APOOL: variants seen among roughly 807,000 people sequenced by gnomAD.
APOOL encodes the protein MICOS complex subunit MIC27.
In APOOL, 12 loss-of-function variants were observed where a neutral mutation model predicts 23.1. That is an observed-to-expected ratio of 0.52 (90% CI 0.33 to 0.84). APOOL has a LOEUF of 0.84. Among genes scored for constraint, APOOL ranks in the 40% least tolerant of loss-of-function variants. APOOL has a pLI of 0.02. For missense variants in APOOL, 212 were observed against 199.6 expected, an observed-to-expected ratio of 1.06 and a Z score of -0.37; for synonymous variants, 77 against 69.9, an observed-to-expected ratio of 1.10 and a Z score of -0.51.
chrX:85,023,939 A>T (rs1160125006), intron 1 of APOOL, among the ~76,000 whole-genome samples: 1 of 112,047 alleles, frequency 8.9e-6, no homozygotes, highest in Non-Finnish European at 1.9e-5. Context: ...AGCACCCTTC[A>T]TCCCACCCCA....
chrX:85,009,271 A>G (rs1921194346), intron 1 of APOOL, among the ~76,000 whole-genome samples: 1 of 111,798 alleles, frequency 8.9e-6, no homozygotes, highest in Admixed American at 9.5e-5. Flanking sequence ...TGCTTTGACT[A>G]GAACTTCCAG....
chrX:85,077,076 C>CATAT (rs72425038), intron 8 of APOOL, among the ~76,000 whole-genome samples: 9 of 86,942 alleles, frequency 1.0e-4, no homozygotes, highest in African/African-American at 3.2e-4. Context: ...TATATATATA[C>CATAT]ATATATATAT....
chrX:85,045,269 A>G (rs1482219085), intron 1 of APOOL, among the ~76,000 whole-genome samples: 1 of 111,618 alleles, frequency 9.0e-6, no homozygotes, highest in Non-Finnish European at 1.9e-5. Context: ...AAAAAAATTT[A>G]TCTTCTTAGT....
intron 8 of APOOL, among the ~76,000 whole-genome samples, chrX:85,083,422 T>A (rs187524592): frequency 9.0e-6 from 1 of 111,506 alleles, no homozygotes; most frequent in African/African-American, 3.3e-5. Flanking sequence ...TAAAAAATTC[T>A]AGTGGATATT....
chrX:85,068,493 C>G (rs1923550309), intron 6 of APOOL, among the ~76,000 whole-genome samples: 1 of 105,698 alleles, frequency 9.5e-6, no homozygotes, highest in African/African-American at 3.5e-5. Context: ...GTAGCCTCTG[C>G]CTCCTGGGTT....
chrX:85,070,292 A>G (rs1923619351), intron 6 of APOOL, among the ~76,000 whole-genome samples: 1 of 111,830 alleles, frequency 8.9e-6, no homozygotes, highest in South Asian at 3.7e-4. Flanking sequence ...AAAAAGTTTA[A>G]GAAATGATAA....
chrX:85,030,822 G>T (rs761542952), intron 1 of APOOL, among the ~76,000 whole-genome samples: 1 of 111,431 alleles, frequency 9.0e-6, no homozygotes, highest in East Asian at 2.8e-4. Flanking sequence ...TACTGTTTGG[G>T]TTATGGGTGC....
chrX:85,042,715 A>G (rs940234909), intron 1 of APOOL, among the ~76,000 whole-genome samples: 1 of 111,894 alleles, frequency 8.9e-6, no homozygotes, highest in Non-Finnish European at 1.9e-5. Context: ...ATTCCAAAAC[A>G]CATTCAAAAG....
At chrX:85,050,203 A>G (rs1409533788) in intron 2 of APOOL, among the ~76,000 whole-genome samples, 1 of 111,581 alleles carries the variant, frequency 9.0e-6, no homozygotes, top group African/African-American at 3.3e-5. Flanking sequence ...TTTCTGACTT[A>G]CTACTGGAAA....
chrX:85,014,802 A>G lies in APOOL; in HGVS notation c.15+10875A>G, dbSNP rs139603839. ...AACCCGATGACTGTGTGTCTCGGTG[A>G]TGATCTTTTTTGTGATGAATTTCCC... On this transcript the variant is annotated intron_variant, in intron 1 of 8. Coordinates refer to ENST00000373173, the MANE Select transcript of APOOL (RefSeq NM_198450.6). 6.1e-3 allele frequency among the ~76,000 whole-genome samples: 661 copies of G among 107,949 alleles called. 7 individuals carry two copies. The highest frequency in any genetic ancestry group is 0.022 in the African/African-American group (639 of 29,642). 93.7% of individuals were successfully genotyped at this position (107,949 alleles called of 115,157 possible). A position where few individuals can be genotyped will look rare whatever the true frequency, so the allele number is the denominator to read the frequency against.
chrX:85,009,984 T>A (rs1228336606), intron 1 of APOOL, among the ~76,000 whole-genome samples: 1 of 112,232 alleles, frequency 8.9e-6, no homozygotes. Flanking sequence ...TGATCTCATT[T>A]CTTTTTATGG....
In APOOL at chrX:85,074,362, A is replaced by G. The variant is rs769840160; in HGVS notation, c.689A>G (p.Glu230Gly). 5.0e-6 allele frequency: 6 copies of G among 1,209,551 alleles called. No individual in the cohort carries two copies. The Admixed American group carries it at 6.6e-5, about 13-fold the overall frequency. Residue 230 changes from glutamate (E) to glycine (G), a missense_variant, in exon 8 of 9, where the codon GAA (glutamate) becomes GGA (glycine). Glu to Gly is a moderately conservative substitution (Grantham distance 98). Transcript: ENST00000373173. The stretch of plus-strand genomic sequence containing the variant: ...CCCTTGCCAACAGAACTCAGCTCTG[A>G]AGCAAAGACCAAATCAGAATCCACT... The part of the protein sequence containing the change: ...SVPLPTELSS[E>G]AKTKSESTSG...
rs1487203988 is a variant in APOOL at position 85,090,659 on chromosome X, G to T, written c.*2981G>T. The T allele has an allele frequency of 9.0e-6, 1 of 111,401 alleles. No homozygotes were observed. Among genetic ancestry groups the T allele is most frequent in the Non-Finnish European group, 1.9e-5 (1 of 53,130 alleles). 9.2% of individuals were successfully genotyped at this position (111,401 alleles called of 1,213,427 possible). On this transcript the variant is annotated 3_prime_UTR_variant, in exon 9 of 9. Transcript: ENST00000373173. ...GACATACCATTTGTTTCTTGAACAT[G>T]CTTTGCTCATTATTGCCTCTTTCTC...
chrX:85,004,280 C>A (rs1032628532), intron 1 of APOOL, among the ~76,000 whole-genome samples: 2 of 111,620 alleles, frequency 1.8e-5, no homozygotes, highest in Non-Finnish European at 3.8e-5. Context: ...ATAAACTTGG[C>A]ATTTGTCTCG....
chrX:85,045,172 T>A (rs1010089809), intron 1 of APOOL, among the ~76,000 whole-genome samples: 4 of 111,573 alleles, frequency 3.6e-5, no homozygotes, highest in Non-Finnish European at 5.7e-5. Context: ...AATAAAAAAA[T>A]TGATGTCTTT....
intron 5 of APOOL, among the ~76,000 whole-genome samples, chrX:85,063,349 T>G (rs1215050524): frequency 9.0e-6 from 1 of 111,326 alleles, no homozygotes; most frequent in Non-Finnish European, 1.9e-5. Context: ...TTCAATACCC[T>G]TTATTTTTTT....
At chrX:85,011,915 T>A (rs1412563935) in intron 1 of APOOL, among the ~76,000 whole-genome samples, 2 of 111,746 alleles carry the variant, frequency 1.8e-5, no homozygotes, top group Non-Finnish European at 3.8e-5. Context: ...TTGTATTGAA[T>A]CCGTAGATCA....
chrX:85,019,704 G>C (rs983500247), intron 1 of APOOL, among the ~76,000 whole-genome samples: 1 of 111,651 alleles, frequency 9.0e-6, no homozygotes, highest in Admixed American at 9.5e-5. Flanking sequence ...ACATGGTCTT[G>C]TGCAGATCAT....
chrX:85,065,339 C>T (rs1409830227), intron 5 of APOOL, among the ~76,000 whole-genome samples: 1 of 111,550 alleles, frequency 9.0e-6, no homozygotes, highest in Non-Finnish European at 1.9e-5. Flanking sequence ...TCCAGCTTAC[C>T]ATCCTGTGTC....
Sources: allele counts gnomAD v4.1 joint callset (sites outside exome capture counted in the v4.1 genomes callset), GRCh38; gene constraint gnomAD v4.1.1; transcripts MANE v1.5; gene names NCBI Gene and HGNC (gene_info 2026-07-23, HGNC 2026-07-21).